The following CCDC169 variants were observed in gnomAD, a reference collection of about 807,000 sequenced individuals.
The protein encoded by CCDC169 is coiled-coil domain containing 169, also known as coiled-coil domain-containing protein 169.
CCDC169 carries 30 observed loss-of-function variants against 36.0 expected under a neutral mutation model. The ratio of observed to expected loss-of-function variants is 0.83; its 90% CI spans 0.62 to 1.13. The LOEUF is 1.13. Among genes scored for constraint, CCDC169 ranks in the 50% most tolerant of loss-of-function variants. The pLI is 0.00. For synonymous variants in CCDC169, 85 were observed against 81.5 expected, an observed-to-expected ratio of 1.04 and a Z score of -0.23; for missense variants, 245 against 245.9, an observed-to-expected ratio of 1.00 and a Z score of 0.03.
chr13:36,226,954 A>C (rs1869908691), downstream of CCDC169: 1 of 423,282 alleles, frequency 2.4e-6, no homozygotes, highest in East Asian at 3.3e-5. Flanking sequence ...ATAAAAATTG[A>C]AATAAATAAC....
At chr13:36,249,130 G>C (rs1013797600) in intron 6 of CCDC169, among the ~76,000 whole-genome samples, 1 of 152,176 alleles carries the variant, frequency 6.6e-6, no homozygotes, top group African/African-American at 2.4e-5. Flanking sequence ...GAAATTTCTA[G>C]TGGTCAGTGT....
At chr13:36,259,272 C>G (rs1425724443) in intron 4 of CCDC169, among the ~76,000 whole-genome samples, 1 of 152,148 alleles carries the variant, frequency 6.6e-6, no homozygotes, top group African/African-American at 2.4e-5. Context: ...ACCATCTTGT[C>G]GTGGCTTCCC....
At chr13:36,227,386 T>G (rs1194763673), downstream of CCDC169, 1 of 1,540,968 alleles carries the variant, frequency 6.5e-7, no homozygotes, top group Non-Finnish European at 8.8e-7. Flanking sequence ...AGGAGGCTGT[T>G]TGAAGAGATG....
At chr13:36,287,616 TA>T (rs1485604808) in intron 2 of CCDC169, among the ~76,000 whole-genome samples, 1 of 152,242 alleles carries the variant, frequency 6.6e-6, no homozygotes, top group Admixed American at 6.5e-5. Flanking sequence ...GGCTTATAAG[TA>T]AATGAGTACT....
chr13:36,265,112 G>A (rs974390682), intron 4 of CCDC169, among the ~76,000 whole-genome samples: 2 of 152,090 alleles, frequency 1.3e-5, no homozygotes, highest in Non-Finnish European at 2.9e-5. Context: ...CCATTTAGGT[G>A]CACCTACCAG....
At chr13:36,256,670 T>C (rs1439874397) in intron 4 of CCDC169, among the ~76,000 whole-genome samples, 1 of 152,138 alleles carries the variant, frequency 6.6e-6, no homozygotes, top group Non-Finnish European at 1.5e-5. Flanking sequence ...GGTTTTTGAG[T>C]GATCAAGGAC....
At chr13:36,257,952 T>C (rs973485110) in intron 4 of CCDC169, among the ~76,000 whole-genome samples, 2 of 151,982 alleles carry the variant, frequency 1.3e-5, no homozygotes, top group Admixed American at 6.6e-5. Context: ...CCCTCCAATA[T>C]AGACAGAACT....
downstream of CCDC169, among the ~76,000 whole-genome samples, chr13:36,228,392 A>G (rs1870074078): frequency 6.6e-6 from 1 of 152,112 alleles, no homozygotes; most frequent in Non-Finnish European, 1.5e-5. Flanking sequence ...TTTGTAATAC[A>G]TTTAGATATC....
At chr13:36,259,519 G>T (rs1874345156) in intron 4 of CCDC169, among the ~76,000 whole-genome samples, 3 of 152,166 alleles carry the variant, frequency 2.0e-5, no homozygotes, top group East Asian at 1.9e-4. Context: ...GTTCCCTGGG[G>T]TTATTAACTA....
At chr13:36,291,151 A>G (rs1878840793) in intron 2 of CCDC169, among the ~76,000 whole-genome samples, 1 of 152,184 alleles carries the variant, frequency 6.6e-6, no homozygotes, top group Admixed American at 6.5e-5. Flanking sequence ...GGCACAAATG[A>G]CCAGCATTAA....
At chr13:36,292,916 C>G (rs1437535878) in intron 2 of CCDC169, among the ~76,000 whole-genome samples, 1 of 152,082 alleles carries the variant, frequency 6.6e-6, no homozygotes, top group Non-Finnish European at 1.5e-5. Context: ...TAACCTGAGA[C>G]AAGAATAAGG....
intron 1 of CCDC169, among the ~76,000 whole-genome samples, chr13:36,296,648 A>G (rs187252125): frequency 6.6e-6 from 1 of 152,338 alleles, no homozygotes; most frequent in African/African-American, 2.4e-5. Context: ...AGTGCCTATT[A>G]TGTTCAAGGC....
chr13:36,258,100 A>G (rs754032255), intron 4 of CCDC169, among the ~76,000 whole-genome samples: 14 of 152,204 alleles, frequency 9.2e-5, no homozygotes, highest in Non-Finnish European at 2.1e-4. Flanking sequence ...TAGTTTTCAA[A>G]TCAGACTCTA....
Position 36,248,600 on chromosome 13 carries a change from A to G in CCDC169, c.545+6T>C. ...AATTAGAAAGAAAATATATAGCTAGACTTACGTTTTCACTAGATTCTCTTG... is the reference window on the plus strand; with the variant it reads ...AATTAGAAAGAAAATATATAGCTAGGCTTACGTTTTCACTAGATTCTCTTG... On this transcript the variant is annotated splice_donor_region_variant and intron_variant, in intron 7 of 7. Transcript: ENST00000239859. The G allele has an allele frequency of 6.5e-7, 1 of 1,548,860 alleles. No homozygotes were observed. The highest frequency in any genetic ancestry group is 8.7e-7 in the Non-Finnish European group (1 of 1,145,138).
intron 2 of CCDC169, among the ~76,000 whole-genome samples, chr13:36,293,871 A>G (rs1361823263): frequency 6.6e-6 from 1 of 152,114 alleles, no homozygotes; most frequent in African/African-American, 2.4e-5. Context: ...CTCCTAAATT[A>G]TAGGGTGATT....
intron 4 of CCDC169, chr13:36,282,367 A>G: frequency 2.0e-6 from 2 of 985,188 alleles, no homozygotes; most frequent in Non-Finnish European, 2.4e-6. Flanking sequence ...GTCCTTAGCT[A>G]AGAGGGTCTC....
intron 2 of CCDC169, among the ~76,000 whole-genome samples, chr13:36,293,945 A>T (rs552796624): frequency 6.6e-6 from 1 of 152,316 alleles, no homozygotes; most frequent in South Asian, 2.1e-4. Context: ...AAGTTGTATT[A>T]TCATTTACTG....
chr13:36,296,514 T>C (rs1389107938), intron 1 of CCDC169, among the ~76,000 whole-genome samples: 1 of 152,146 alleles, frequency 6.6e-6, no homozygotes, highest in Non-Finnish European at 1.5e-5. Flanking sequence ...GGGCAATACA[T>C]AACAGCTGAC....
At chr13:36,276,209 G>C (rs1282022584) in intron 4 of CCDC169, among the ~76,000 whole-genome samples, 1 of 152,050 alleles carries the variant, frequency 6.6e-6, no homozygotes, top group African/African-American at 2.4e-5. Flanking sequence ...CTAAAAATTC[G>C]CTTTAAGGAA....
Sources: allele counts gnomAD v4.1 joint callset (sites outside exome capture counted in the v4.1 genomes callset), GRCh38; gene constraint gnomAD v4.1.1; transcripts MANE v1.5; gene names NCBI Gene and HGNC (gene_info 2026-07-23, HGNC 2026-07-21).